The following CACNA1A variants were observed in gnomAD, a reference collection of about 807,000 sequenced individuals.
CACNA1A encodes voltage-dependent P/Q-type calcium channel subunit alpha-1A.
Under a neutral mutation model 262.4 loss-of-function variants are expected in CACNA1A, and 57 were observed. The observed-to-expected ratio is 0.22, with a 90% CI of 0.18 to 0.27. CACNA1A has a LOEUF of 0.27. CACNA1A is among the 10% of genes least tolerant of loss of function. CACNA1A has a pLI of 1.00. For synonymous variants in CACNA1A, 1,431 were observed against 1,419.3 expected, an observed-to-expected ratio of 1.01 and a Z score of -0.18; for missense variants, 2,526 against 3,562.8, an observed-to-expected ratio of 0.71 and a Z score of 7.41.
intron 21 of CACNA1A, 190 bp from the exon 22 acceptor site, chr19:13,283,586 A>G: frequency 1.6e-6 from 1 of 621,140 alleles, no homozygotes; most frequent in South Asian, 2.1e-5. Flanking sequence ...GGCAGAGGGG[A>G]CCTCGGTGAG....
chr19:13,388,457 T>A (rs957605760), intron 3 of CACNA1A, among the ~76,000 whole-genome samples: 2 of 152,036 alleles, frequency 1.3e-5, no homozygotes, highest in Non-Finnish European at 2.9e-5. Context: ...GGTTTCATCA[T>A]GTTGGCCAGG....
At chr19:13,331,902 C>T (rs996335571) in intron 9 of CACNA1A, among the ~76,000 whole-genome samples, 3 of 152,132 alleles carry the variant, frequency 2.0e-5, no homozygotes, top group African/African-American at 7.2e-5. Flanking sequence ...TCAAGTGTTC[C>T]TCCTGTCTTG....
At chr19:13,415,672 G>A (rs555643012) in intron 3 of CACNA1A, among the ~76,000 whole-genome samples, 9 of 148,084 alleles carry the variant, frequency 6.1e-5, no homozygotes, top group East Asian at 4.0e-4. Flanking sequence ...CCTGGGAGGC[G>A]GAGGTTACAG....
intron 2 of CACNA1A, 45 bp downstream of exon 2, chr19:13,455,062 C>A: frequency 8.2e-7 from 1 of 1,215,808 alleles, no homozygotes. Context: ...AAATTAATGT[C>A]CTGCTAAAGC....
chr19:13,407,691 T>C (rs2060036510), intron 3 of CACNA1A, among the ~76,000 whole-genome samples: 2 of 152,204 alleles, frequency 1.3e-5, no homozygotes. Flanking sequence ...CAACAATGCT[T>C]CTCTTTGCTG....
At chr19:13,231,403 G>C (rs2055662381) in intron 35 of CACNA1A, among the ~76,000 whole-genome samples, 1 of 152,046 alleles carries the variant, frequency 6.6e-6, no homozygotes, top group Non-Finnish European at 1.5e-5. Flanking sequence ...GCAATGTCCG[G>C]AGACATTTTT....
intron 6 of CACNA1A, among the ~76,000 whole-genome samples, chr19:13,347,187 T>C (rs971805410): frequency 6.6e-6 from 1 of 151,480 alleles, no homozygotes. Flanking sequence ...GCCTCTCAAG[T>C]AGCTGGGCCT....
intron 1 of CACNA1A, among the ~76,000 whole-genome samples, chr19:13,495,849 C>A (rs1355780008): frequency 6.6e-6 from 1 of 152,156 alleles, no homozygotes; most frequent in Middle Eastern, 3.4e-3. Flanking sequence ...ATTTATTCAT[C>A]CAGCCATATA....
intron 1 of CACNA1A, 149 bp from the exon 2 acceptor site, chr19:13,455,361 G>T (rs1204732904): frequency 1.1e-5 from 6 of 555,380 alleles, no homozygotes; most frequent in African/African-American, 1.9e-5. Context: ...CTCCTGTCTG[G>T]AGTAGATCCC....
At chr19:13,270,041 A>G (rs1479042836) in intron 24 of CACNA1A, among the ~76,000 whole-genome samples, 1 of 152,120 alleles carries the variant, frequency 6.6e-6, no homozygotes, top group Non-Finnish European at 1.5e-5. Flanking sequence ...CCAGGCCTCA[A>G]AGAACCCAGG....
rs550263651 is a variant in CACNA1A, at chr19:13,211,342, G to A, written c.6304-690C>T. 5 of 153,584 alleles carry A rather than the reference G, an allele frequency of 3.3e-5. No homozygotes were observed. The East Asian group carries it at 5.8e-4, about 18-fold the overall frequency. The allele number at this position is 153,584 out of a possible 1,614,324, so 9.5% of individuals were successfully genotyped here. The stretch of plus-strand genomic sequence containing the variant: ...TGCATGGGCCCCCGCTGTTCAGGCC[G>A]GGTGGGCAGCCAGCTATGCCTCTGG... On this transcript the variant is annotated intron_variant, in intron 43 of 46. Transcript: ENST00000360228.
Position 13,359,753 on chromosome 19 carries a change from G to T in CACNA1A, c.831C>A (p.Pro277=). The T allele has an allele frequency of 6.4e-7, 1 of 1,558,064 alleles. No homozygotes were observed. The highest frequency in any genetic ancestry group is 8.7e-7 in the Non-Finnish European group (1 of 1,150,584). ...ESPAPCGTEE[P]ARTCPNGTKC... ...TGGTCCCATTGGGGCAGGTGCGGGC[G>T]GGCTCTTCTGTCCCACATGGAGCCG... Residue 277 remains proline (P), a synonymous_variant, in exon 6 of 47, where the codon CCC becomes CCA. Coordinates refer to ENST00000360228, the MANE Select transcript of CACNA1A (RefSeq NM_001127222.2).
intron 4 of CACNA1A, 25 bp downstream of exon 4, chr19:13,371,663 T>C: frequency 6.5e-7 from 1 of 1,539,174 alleles, no homozygotes; most frequent in Non-Finnish European, 8.8e-7. Context: ...AGCAAACCCC[T>C]TGTCAGGGTC....
chr19:13,282,082 G>T (rs1218776954), intron 22 of CACNA1A, among the ~76,000 whole-genome samples: 1 of 152,236 alleles, frequency 6.6e-6, no homozygotes. Context: ...GGACTGTGAG[G>T]AGGCTGAGCA....
chr19:13,270,410 G>C (rs1320867112), intron 24 of CACNA1A, among the ~76,000 whole-genome samples: 1 of 121,538 alleles, frequency 8.2e-6, no homozygotes, highest in South Asian at 3.1e-4. Flanking sequence ...CCCTGGGGTG[G>C]GGGGTGGGGG....
intron 11 of CACNA1A, among the ~76,000 whole-genome samples, chr19:13,314,824 TATA>T (rs771609775): frequency 1.7e-4 from 26 of 152,284 alleles, no homozygotes; most frequent in Non-Finnish European, 2.5e-4. Flanking sequence ...TCTCCTTATT[TATA>T]GGACGCTAAG....
intron 1 of CACNA1A, among the ~76,000 whole-genome samples, chr19:13,458,852 A>G (rs539902185): frequency 6.6e-6 from 1 of 152,320 alleles, no homozygotes; most frequent in Non-Finnish European, 1.5e-5. Flanking sequence ...GGATCTGGCA[A>G]TCTCTGAGGA....
At chr19:13,216,708 A>T (rs912759611) in intron 38 of CACNA1A, among the ~76,000 whole-genome samples, 1 of 144,778 alleles carries the variant, frequency 6.9e-6, no homozygotes, top group African/African-American at 2.6e-5. Flanking sequence ...TCATCTATCT[A>T]TCGATCGACA....
intron 1 of CACNA1A, among the ~76,000 whole-genome samples, chr19:13,500,021 G>A (rs143780291): frequency 6.6e-6 from 1 of 152,210 alleles, no homozygotes; most frequent in East Asian, 1.9e-4. Flanking sequence ...CCAAGTCCCT[G>A]AAGAAAGACT....
Sources: allele counts gnomAD v4.1 joint callset (sites outside exome capture counted in the v4.1 genomes callset), GRCh38; gene constraint gnomAD v4.1.1; transcripts MANE v1.5; gene names NCBI Gene and HGNC (gene_info 2026-07-23, HGNC 2026-07-21).